The following COA1 variants were observed in gnomAD, a reference collection of about 807,000 sequenced individuals.
COA1 encodes cytochrome c oxidase assembly factor 1, also known as cytochrome c oxidase assembly factor 1 homolog.
Under a neutral mutation model 16.0 loss-of-function variants are expected in COA1, and 13 were observed. That is an observed-to-expected ratio of 0.81 (90% CI 0.53 to 1.29). The LOEUF is 1.29. COA1 is among the 50% of genes most tolerant of loss of function. The probability of loss-of-function intolerance (pLI) is 0.00; values close to 1 mark genes in which losing one functional copy is unlikely to be tolerated. For missense variants in COA1, 179 were observed against 177.0 expected (o/e 1.01, Z -0.06); for synonymous variants, 65 against 65.7 (o/e 0.99, Z 0.05).
intron 1 of COA1, among the ~76,000 whole-genome samples, chr7:43,672,734 C>T (rs2093330910): frequency 6.7e-6 from 1 of 148,596 alleles, no homozygotes; most frequent in Admixed American, 6.7e-5. Context: ...CACGCCACTG[C>T]ACTCCAGCCT....
rs140764779 is a variant in COA1 at position 43,719,437 on chromosome 7, A to T, written c.-39+9992T>A. ...GTGGTTAGTGAGGCAAGGCTGTCAT[A>T]CAGAAAAATCAAAGTTAATAAATAA... On this transcript the variant is annotated intron_variant, in intron 1 of 5. Coordinates refer to ENST00000223336, the MANE Select transcript of COA1 (RefSeq NM_018224.4). Among the ~76,000 whole-genome samples the T allele has an allele frequency of 2.6e-5, 4 of 152,364 alleles. No individual in the cohort carries two copies. The East Asian group carries it at 5.8e-4, about 22-fold the overall frequency.
chr7:43,676,418 CA>C (rs1253155754), intron 1 of COA1, among the ~76,000 whole-genome samples: 1 of 151,808 alleles, frequency 6.6e-6, no homozygotes, highest in Non-Finnish European at 1.5e-5. Context: ...TATTCAGCCA[CA>C]AAAAAAGAAT....
intron 1 of COA1, among the ~76,000 whole-genome samples, chr7:43,721,440 T>G (rs2095503467): frequency 6.6e-6 from 1 of 152,158 alleles, no homozygotes; most frequent in South Asian, 2.1e-4. Context: ...ATGTTTTTAT[T>G]CCTAAACACT....
exon 7 of COA1, chr7:43,608,481 A>G: frequency 1.3e-6 from 2 of 1,487,900 alleles, no homozygotes; most frequent in Non-Finnish European, 1.8e-6. Context: ...TTATTCAAAC[A>G]TGTTTCACGT....
At chr7:43,668,650 G>A (rs1051752696) in intron 1 of COA1, among the ~76,000 whole-genome samples, 4 of 152,160 alleles carry the variant, frequency 2.6e-5, no homozygotes, top group African/African-American at 9.7e-5. Context: ...CAGCTTGGAT[G>A]AAACAAAATG....
At chr7:43,644,799 C>G (rs28651360) in intron 4 of COA1, among the ~76,000 whole-genome samples, 37,278 of 73,018 alleles carry the variant, frequency 0.51, 9,221 homozygotes, top group South Asian at 0.58. Flanking sequence ...GGCAGAGAGA[C>G]AGAGAGAGAG....
chr7:43,624,521 T>C, intron 6 of COA1: 2 of 1,610,128 alleles, frequency 1.2e-6, no homozygotes, highest in Non-Finnish European at 1.7e-6. Flanking sequence ...TTTACAGAGA[T>C]CGAGCCACTG....
At chr7:43,652,059 C>T (rs1859875) in intron 1 of COA1, among the ~76,000 whole-genome samples, 22,152 of 152,134 alleles carry the variant, frequency 0.15, 2,177 homozygotes, top group Non-Finnish European at 0.21. Context: ...GAATTGACAG[C>T]GGAAAGACCC....
chr7:43,628,634 T>C (rs2084862114), intron 6 of COA1, among the ~76,000 whole-genome samples: 1 of 152,224 alleles, frequency 6.6e-6, no homozygotes, highest in South Asian at 2.1e-4. Context: ...CCTGTTGCAT[T>C]TTAGCCATGC....
intron 1 of COA1, among the ~76,000 whole-genome samples, chr7:43,684,332 G>A (rs141822219): frequency 1.4e-3 from 213 of 152,208 alleles, no homozygotes; most frequent in Middle Eastern, 3.4e-3. Context: ...GCCGGGAGTG[G>A]GTGAATGGGA....
At chr7:43,718,441 C>T (rs2095439328) in intron 1 of COA1, among the ~76,000 whole-genome samples, 1 of 152,174 alleles carries the variant, frequency 6.6e-6, no homozygotes, top group Non-Finnish European at 1.5e-5. Flanking sequence ...TACTATTGAC[C>T]ACAGATCTTT....
chr7:43,698,399 A>G (rs564923166), intron 1 of COA1, among the ~76,000 whole-genome samples: 2 of 152,338 alleles, frequency 1.3e-5, no homozygotes, highest in African/African-American at 2.4e-5. Flanking sequence ...ATGCAGAGGT[A>G]TAAGACCAGC....
At chr7:43,710,375 A>AAAATATATATATATATATATAT (rs761592421) in intron 1 of COA1, among the ~76,000 whole-genome samples, 1 of 36,450 alleles carries the variant, frequency 2.7e-5, no homozygotes, top group Non-Finnish European at 4.7e-5. Context: ...AAAAAAAAAA[A>AAAATATATATATATATATATAT]ATATATATAT....
At chr7:43,713,326 T>C (rs983552429) in intron 1 of COA1, among the ~76,000 whole-genome samples, 1 of 152,182 alleles carries the variant, frequency 6.6e-6, no homozygotes, top group Non-Finnish European at 1.5e-5. Flanking sequence ...ACTTATCACT[T>C]CCTTCTGGTA....
At chr7:43,691,323 A>AAGAAAG (rs2094307984) in intron 1 of COA1, among the ~76,000 whole-genome samples, 1 of 102,654 alleles carries the variant, frequency 9.7e-6, no homozygotes, top group Non-Finnish European at 2.1e-5. Context: ...GAAAGAAAGA[A>AAGAAAG]AGAAAGAGAA....
chr7:43,637,581 G>C (rs913462748), downstream of COA1, among the ~76,000 whole-genome samples: 2 of 152,198 alleles, frequency 1.3e-5, no homozygotes, highest in Admixed American at 6.5e-5. Context: ...ACAGGAAACA[G>C]TGGACTGCAA....
At chr7:43,687,462 C>A (rs57221423) in intron 1 of COA1, among the ~76,000 whole-genome samples, 12,950 of 152,036 alleles carry the variant, frequency 0.085, 648 homozygotes, top group East Asian at 0.18. Context: ...TAAACATATA[C>A]CTGCATCCTA....
rs2094496652 is a variant in COA1, at chr7:43,695,415, G to A, written c.-39+34014C>T. Among the ~76,000 whole-genome samples, 4 of 151,896 alleles carry A rather than the reference G, an allele frequency of 2.6e-5. 1 individual carries two copies. The Admixed American group carries it at 2.6e-4, about 10-fold the overall frequency. The stretch of plus-strand genomic sequence containing the variant: ...GTCTTATTTGGTATTCTCTCTGCCA[G>A]GAATCTTCTTCCTCCAGTTATCCAC... On this transcript the variant is annotated intron_variant, in intron 1 of 5. Coordinates refer to ENST00000223336, the MANE Select transcript of COA1 (RefSeq NM_018224.4).
rs368428602 is a variant in COA1 at position 43,648,635 on chromosome 7, C to T, written c.-21G>A. ...ATCATAGCACAACTCTCTTGAAAAT[C>T]ATCAAAGGCAAGTTGTCCTGCAATT... On this transcript the variant is annotated 5_prime_UTR_variant, in exon 2 of 6. An upstream start codon of the reference 5' UTR is lost. Transcript: ENST00000223336. 262 of 1,611,976 alleles carry T rather than the reference C, an allele frequency of 1.6e-4. 6 individuals carry two copies. The highest frequency in any genetic ancestry group is 1.6e-3 in the East Asian group (72 of 44,880).
Sources: allele counts gnomAD v4.1 joint callset (sites outside exome capture counted in the v4.1 genomes callset), GRCh38; gene constraint gnomAD v4.1.1; transcripts MANE v1.5; gene names NCBI Gene and HGNC (gene_info 2026-07-23, HGNC 2026-07-21).